The following QDPR variants were observed in gnomAD, a reference collection of about 807,000 sequenced individuals.
QDPR encodes dihydropteridine reductase.
In QDPR, 23 loss-of-function variants were observed where a neutral mutation model predicts 31.7. That is an observed-to-expected ratio of 0.73 (90% CI 0.52 to 1.03). The LOEUF (loss-of-function observed/expected upper bound fraction) is 1.03. Among genes scored for constraint, QDPR ranks in the 50% least tolerant of loss-of-function variants. The pLI, the probability that QDPR is intolerant of heterozygous loss-of-function variation, is 0.00. For synonymous variants in QDPR, 124 were observed against 124.7 expected (o/e 0.99, Z 0.03); for missense variants, 324 against 323.8 (o/e 1.00, Z 0.00).
At chr4:17,494,244 T>A (rs1017253484) in intron 4 of QDPR, among the ~76,000 whole-genome samples, 3 of 152,208 alleles carry the variant, frequency 2.0e-5, no homozygotes, top group Non-Finnish European at 4.4e-5. Flanking sequence ...AGGAGTTTCA[T>A]CAGCTTGAAC....
chr4:17,502,011 G>T, intron 3 of QDPR, 152 bp from the exon 4 acceptor site: 2 of 921,636 alleles, frequency 2.2e-6, no homozygotes, highest in South Asian at 1.4e-5. Context: ...ACAGGGCTCA[G>T]TGGTCAGAGA....
At chr4:17,502,915 GA>G (rs759389716) in intron 3 of QDPR, among the ~76,000 whole-genome samples, 85 of 152,298 alleles carry the variant, frequency 5.6e-4, no homozygotes, top group Admixed American at 5.5e-3. Flanking sequence ...CTTTATAATG[GA>G]AGTCTGGCAG....
chr4:17,509,574 A>T (rs562064094), intron 1 of QDPR, among the ~76,000 whole-genome samples: 3 of 152,138 alleles, frequency 2.0e-5, no homozygotes, highest in Non-Finnish European at 2.9e-5. Flanking sequence ...AAAAAATTTT[A>T]AAATTAGTCA....
intron 4 of QDPR, among the ~76,000 whole-genome samples, chr4:17,500,201 C>T (rs1718512249): frequency 6.6e-6 from 1 of 152,290 alleles, no homozygotes; most frequent in East Asian, 1.9e-4. Flanking sequence ...GATCCACCCG[C>T]CTTGGCCTCC....
At chr4:17,511,555 G>GCGTTAGGTAATCAATA (rs1476260798) in intron 1 of QDPR, among the ~76,000 whole-genome samples, 1 of 152,156 alleles carries the variant, frequency 6.6e-6, no homozygotes, top group Non-Finnish European at 1.5e-5. Context: ...AGGTCCTACG[G>GCGTTAGGTAATCAATA]CGTTAGGTAA....
At chr4:17,488,335 T>C (rs1718043028) in intron 6 of QDPR, among the ~76,000 whole-genome samples, 1 of 152,216 alleles carries the variant, frequency 6.6e-6, no homozygotes, top group African/African-American at 2.4e-5. Context: ...AATACTTTGC[T>C]ATATTACCTT....
rs1045761449 is a variant in QDPR, at chr4:17,512,072, G to A, written c.-18C>T. Reference sequence around the variant, plus strand: ...GCCGCCATCCTGCTCCTGCCAGCCCGGCTCCCGCAGCTCCGAATGCCTCGA... The same window carrying A: ...GCCGCCATCCTGCTCCTGCCAGCCCAGCTCCCGCAGCTCCGAATGCCTCGA... On this transcript the variant is annotated 5_prime_UTR_variant, in exon 1 of 7. Coordinates refer to ENST00000281243, the MANE Select transcript of QDPR (RefSeq NM_000320.3). The A allele has an allele frequency of 3.2e-6, 5 of 1,570,782 alleles. No individual in the cohort carries two copies. Among genetic ancestry groups the A allele is most frequent in the Admixed American group, 1.8e-5 (1 of 56,148 alleles).
intron 5 of QDPR, among the ~76,000 whole-genome samples, chr4:17,491,520 C>T (rs1718164253): frequency 6.6e-6 from 1 of 152,234 alleles, no homozygotes; most frequent in South Asian, 2.1e-4. Context: ...ACAGAAACAC[C>T]TCCAACAGTT....
chr4:17,488,196 G>T (rs1718035460), intron 6 of QDPR, among the ~76,000 whole-genome samples: 1 of 152,002 alleles, frequency 6.6e-6, no homozygotes, highest in Non-Finnish European at 1.5e-5. Context: ...CGGAGATCAA[G>T]GCTAGGGTAA....
At chr4:17,492,404 A>G in intron 4 of QDPR, 64 bp from the exon 5 acceptor site, 1 of 1,278,000 alleles carries the variant, frequency 7.8e-7, no homozygotes, top group South Asian at 1.2e-5. Context: ...AAGGACATGC[A>G]ATCTTCTCTT....
At chr4:17,503,831 A>G (rs1445279848) in intron 3 of QDPR, among the ~76,000 whole-genome samples, 2 of 152,014 alleles carry the variant, frequency 1.3e-5, no homozygotes, top group Admixed American at 6.6e-5. Context: ...GGCACCTGTA[A>G]TATCAGCTAC....
At chr4:17,509,936 T>C (rs1196192196) in intron 1 of QDPR, 1 of 456,126 alleles carries the variant, frequency 2.2e-6, no homozygotes, top group African/African-American at 2.0e-5. Context: ...ACAATTACCT[T>C]AGGCTTTGCT....
Position 17,492,221 on chromosome 4 carries a change from C to T in QDPR, c.545+11G>A. 14 of 1,611,776 alleles carry T rather than the reference C, an allele frequency of 8.7e-6. No homozygotes were observed. Among genetic ancestry groups the T allele is most frequent in the Non-Finnish European group, 1.2e-5 (14 of 1,178,346 alleles). On this transcript the variant is annotated intron_variant, in intron 5 of 6. Coordinates refer to ENST00000281243, the MANE Select transcript of QDPR (RefSeq NM_000320.3). ...GAGGTGGGCAGCAGCCAGGGAACCC[C>T]AAGCACTTACGGGAGCACAGCGATG...
At position 17,487,048 on chromosome 4, in the gene QDPR, A is replaced by C; in HGVS notation, c.*83T>G. 1.8e-6 allele frequency: 2 copies of C among 1,114,628 alleles called. No individual in the cohort carries two copies. The highest frequency in any genetic ancestry group is 2.5e-5 in the South Asian group (2 of 80,264). 69.0% of individuals were successfully genotyped at this position (1,114,628 alleles called of 1,614,324 possible). A position where few individuals can be genotyped will look rare whatever the true frequency, so the allele number is the denominator to read the frequency against. ...ATCTCGTACCACAAACAGGGGTTAC[A>C]GAAAACACAAGGCTGGACAAGGCCA... On this transcript the variant is annotated 3_prime_UTR_variant, in exon 7 of 7. Transcript: ENST00000281243.
At position 17,509,354 on chromosome 4, in the gene QDPR, T is replaced by G. The variant is rs987746060; in HGVS notation, c.115A>C (p.Ser39Arg). The G allele has an allele frequency of 4.3e-6, 7 of 1,613,562 alleles. No individual in the cohort carries two copies. Among genetic ancestry groups the G allele is most frequent in the Non-Finnish European group, 5.9e-6 (7 of 1,179,712 alleles). Residue 39 changes from serine to arginine, a missense_variant, in exon 2 of 7, where the codon AGC (serine) becomes CGC (arginine). Coordinates refer to ENST00000281243, the MANE Select transcript of QDPR (RefSeq NM_000320.3). ...AFRARNWWVA[S>R]VDVVENEEAS... ...TCTTCATTCTCCACCACATCAACGC[T>G]GGCAACCCACTGGAAGGAGAAAACA...
intron 3 of QDPR, among the ~76,000 whole-genome samples, chr4:17,502,760 A>G (rs887868691): frequency 6.6e-6 from 1 of 152,242 alleles, no homozygotes; most frequent in Non-Finnish European, 1.5e-5. Context: ...ACCCCTGAAT[A>G]AGTGCTTCAG....
chr4:17,505,336 T>A (rs1172320013), intron 2 of QDPR, among the ~76,000 whole-genome samples: 1 of 136,468 alleles, frequency 7.3e-6, no homozygotes, highest in Non-Finnish European at 1.5e-5. Flanking sequence ...AACCTCCACC[T>A]CCCCGGTTCA....
intron 1 of QDPR, 63 bp downstream of exon 1, chr4:17,511,887 G>C (rs1224192898): frequency 1.9e-6 from 3 of 1,548,016 alleles, no homozygotes; most frequent in Non-Finnish European, 2.6e-6. Flanking sequence ...CCCCCGCCGG[G>C]TTCCACACGA....
Position 17,501,770 on chromosome 4 carries a change from CT to C in QDPR, c.384del (p.Gly129GlufsTer4). ...SSHLATKHLK[E>X]GGLLTLAGAK... is the part of the protein sequence containing the mutation. ...GCGCCAGCCAAGGTCAGGAGGCCTCCTTCCTTGAGATGCTTGGTAGCCAGAT... is the reference window on the plus strand; with the variant it reads ...GCGCCAGCCAAGGTCAGGAGGCCTCCTCCTTGAGATGCTTGGTAGCCAGAT... On this transcript the variant is annotated frameshift_variant, in exon 4 of 7. Coordinates refer to ENST00000281243, the MANE Select transcript of QDPR (RefSeq NM_000320.3). LOFTEE classifies it high-confidence loss of function. 2 of 1,614,182 alleles carry C rather than the reference CT, an allele frequency of 1.2e-6. No individual in the cohort carries two copies. The highest frequency in any genetic ancestry group is 1.7e-6 in the Non-Finnish European group (2 of 1,180,032).
Sources: allele counts gnomAD v4.1 joint callset (sites outside exome capture counted in the v4.1 genomes callset), GRCh38; gene constraint gnomAD v4.1.1; transcripts MANE v1.5; gene names NCBI Gene and HGNC (gene_info 2026-07-23, HGNC 2026-07-21).